MAST4: variants seen among roughly 807,000 people sequenced by gnomAD.
The protein encoded by MAST4 is microtubule associated serine/threonine kinase family member 4.
MAST4 carries 89 observed loss-of-function variants against 162.7 expected under a neutral mutation model. That is an observed-to-expected ratio of 0.55 (90% confidence interval 0.46 to 0.65). The LOEUF (loss-of-function observed/expected upper bound fraction) is 0.65. Ranked by LOEUF, MAST4 falls within the 30% of genes least tolerant of loss-of-function variation. The pLI is 0.00. For synonymous variants in MAST4, 1,479 were observed against 1,361.1 expected, an observed-to-expected ratio of 1.09 and a Z score of -1.91; for missense variants, 3,153 against 3,374.0, an observed-to-expected ratio of 0.93 and a Z score of 1.62.
At chr5:66,655,855 C>A (rs7714016) in intron 1 of MAST4, among the ~76,000 whole-genome samples, 75,698 of 152,008 alleles carry the variant, frequency 0.5, 19,227 homozygotes, top group South Asian at 0.66. Context: ...TGTGAGGGCA[C>A]AAAATGGCCT....
chr5:66,657,582 G>C (rs1205501331), intron 1 of MAST4, among the ~76,000 whole-genome samples: 4 of 152,144 alleles, frequency 2.6e-5, no homozygotes, highest in Admixed American at 2.6e-4. Context: ...ATAATTTCCT[G>C]TATACATTTC....
chr5:67,053,196 G>A (rs905091084), intron 4 of MAST4, among the ~76,000 whole-genome samples: 1 of 152,072 alleles, frequency 6.6e-6, no homozygotes, highest in Non-Finnish European at 1.5e-5. Context: ...TATAAATATG[G>A]GACTGTTGAC....
At chr5:67,027,385 TCA>T (rs1163382645) in intron 4 of MAST4, among the ~76,000 whole-genome samples, 1 of 152,170 alleles carries the variant, frequency 6.6e-6, no homozygotes, top group Non-Finnish European at 1.5e-5. Flanking sequence ...CTGTATGCAC[TCA>T]CAGATGAACG....
In MAST4 at chr5:66,706,620, T is replaced by G. The variant is rs574237849; in HGVS notation, c.364-53089T>G. Among the ~76,000 whole-genome samples the G allele has an allele frequency of 5.4e-3, 815 of 152,176 alleles. 2 individuals carry two copies. Among genetic ancestry groups the G allele is most frequent in the South Asian group, 8.5e-3 (41 of 4,804 alleles). ...GAAAGAAATAGTAATTTTTTTTTTT[T>G]TTGTTGAAGTGATCAGGTAAAACCC... On this transcript the variant is annotated intron_variant, in intron 1 of 28. Coordinates refer to ENST00000403625, the MANE Select transcript of MAST4 (RefSeq NM_001164664.2).
chr5:67,095,550 T>C, intron 6 of MAST4, 47 bp from the exon 7 acceptor site: 2 of 1,452,964 alleles, frequency 1.4e-6, no homozygotes, highest in Non-Finnish European at 1.9e-6. Context: ...GGTTCCCATG[T>C]GACAGTACGC....
At chr5:66,686,915 AT>A (rs1274530480) in intron 1 of MAST4, among the ~76,000 whole-genome samples, 1 of 152,196 alleles carries the variant, frequency 6.6e-6, no homozygotes, top group Non-Finnish European at 1.5e-5. Flanking sequence ...TGTCAGTATT[AT>A]TTAGCTAATT....
At chr5:66,992,068 T>C (rs1019585048) in intron 4 of MAST4, among the ~76,000 whole-genome samples, 1 of 152,304 alleles carries the variant, frequency 6.6e-6, no homozygotes, top group African/African-American at 2.4e-5. Context: ...ATAGCAGAAA[T>C]AAATAACTCA....
intron 1 of MAST4, among the ~76,000 whole-genome samples, chr5:66,719,594 G>A (rs912182377): frequency 2.0e-5 from 3 of 151,822 alleles, no homozygotes; most frequent in East Asian, 3.9e-4. Context: ...TGTGCTGAAC[G>A]TGCAGGTTCG....
Position 66,807,018 on chromosome 5 carries a change from A to G in MAST4, c.642+18224A>G, listed in dbSNP as rs1043310357. 2.6e-5 allele frequency among the ~76,000 whole-genome samples: 4 copies of G among 152,180 alleles called. No individual in the cohort carries two copies. The East Asian group carries it at 7.7e-4, about 29-fold the overall frequency. On this transcript the variant is annotated intron_variant, in intron 3 of 28. Transcript: ENST00000403625. Reference sequence around the variant, plus strand: ...CATGTCTCACATCACTCTTATCTACATTAAATTTTTAAAAAGCTTTTAATT... The same window carrying G: ...CATGTCTCACATCACTCTTATCTACGTTAAATTTTTAAAAAGCTTTTAATT...
chr5:67,075,733 A>G (rs1469395269), intron 5 of MAST4, among the ~76,000 whole-genome samples: 1 of 152,184 alleles, frequency 6.6e-6, no homozygotes, highest in Non-Finnish European at 1.5e-5. Flanking sequence ...TATAAAAGCT[A>G]AGCACTCCCT....
intron 13 of MAST4, among the ~76,000 whole-genome samples, chr5:67,119,083 C>G (rs1426101340): frequency 6.6e-6 from 1 of 152,136 alleles, no homozygotes; most frequent in African/African-American, 2.4e-5. Context: ...AACTAGAGCA[C>G]TTGAGTAAAA....
At chr5:66,984,225 C>T (rs534208444) in intron 4 of MAST4, among the ~76,000 whole-genome samples, 4 of 152,232 alleles carry the variant, frequency 2.6e-5, no homozygotes, top group African/African-American at 7.2e-5. Flanking sequence ...GAGTGGCATG[C>T]GAGCTGGAAC....
chr5:66,624,146 G>GTTTTTTTTTTTTTTTTT (rs200030700), intron 1 of MAST4, among the ~76,000 whole-genome samples: 6 of 90,126 alleles, frequency 6.7e-5, no homozygotes, highest in Non-Finnish European at 1.0e-4. Flanking sequence ...TTGTTAAAAT[G>GTTTTTTTTTTTTTTTTT]TTTTTTTTTT....
chr5:66,952,974 C>A (rs749759102), intron 4 of MAST4, among the ~76,000 whole-genome samples: 1 of 152,106 alleles, frequency 6.6e-6, no homozygotes, highest in East Asian at 1.9e-4. Flanking sequence ...ATAGATGTAC[C>A]TTTCTGTCTC....
At chr5:66,643,880 T>G (rs1296727471) in intron 1 of MAST4, among the ~76,000 whole-genome samples, 2 of 129,004 alleles carry the variant, frequency 1.6e-5, no homozygotes, top group East Asian at 2.0e-4. Context: ...TAGCTTGTGT[T>G]TTTTTTTTTT....
intron 4 of MAST4, chr5:66,958,855 T>C (rs1386738998): frequency 1.0e-5 from 2 of 199,212 alleles, no homozygotes; most frequent in Admixed American, 5.2e-5. Context: ...CTTTTACAAG[T>C]ATGACACTGT....
At chr5:66,864,856 T>C (rs1760385297) in intron 3 of MAST4, among the ~76,000 whole-genome samples, 1 of 152,200 alleles carries the variant, frequency 6.6e-6, no homozygotes, top group African/African-American at 2.4e-5. Context: ...ACCCAGTTTA[T>C]GATACTGTGT....
At chr5:66,961,435 G>A (rs1745998626) in intron 4 of MAST4, among the ~76,000 whole-genome samples, 3 of 152,206 alleles carry the variant, frequency 2.0e-5, no homozygotes, top group Non-Finnish European at 4.4e-5. Flanking sequence ...ATGCTCTGTA[G>A]ATGCAATCTA....
At chr5:66,786,896 A>C (rs1755143228) in intron 2 of MAST4, among the ~76,000 whole-genome samples, 1 of 152,190 alleles carries the variant, frequency 6.6e-6, no homozygotes, top group Non-Finnish European at 1.5e-5. Flanking sequence ...TTTGCTTGGA[A>C]AAAATCAATC....
Sources: gnomAD v4.1 joint callset for allele counts (sites outside exome capture counted in the v4.1 genomes callset) on GRCh38, gnomAD v4.1.1 for gene constraint, MANE v1.5 for transcripts, NCBI Gene and HGNC (gene_info 2026-07-23, HGNC 2026-07-21) for gene names.